SLC35F1: variants seen among roughly 807,000 people sequenced by gnomAD.
SLC35F1 encodes the protein chromosome 6 open reading frame 169.
In SLC35F1, 14 loss-of-function variants were observed where a neutral mutation model predicts 48.7. That is an observed-to-expected ratio of 0.29 (90% CI 0.19 to 0.45). The LOEUF (loss-of-function observed/expected upper bound fraction) is 0.45, where lower values mean the gene tolerates loss of function less well. SLC35F1 is among the 20% of genes least tolerant of loss of function. The pLI, the probability that SLC35F1 is intolerant of heterozygous loss-of-function variation, is 1.00. For synonymous variants in SLC35F1, 190 were observed against 202.2 expected (o/e 0.94, Z 0.51); for missense variants, 404 against 500.0 (o/e 0.81, Z 1.83).
At chr6:118,281,645 T>C (rs1475610508) in intron 6 of SLC35F1, among the ~76,000 whole-genome samples, 1 of 152,210 alleles carries the variant, frequency 6.6e-6, no homozygotes, top group Non-Finnish European at 1.5e-5. Flanking sequence ...CCCTAACTTC[T>C]GATCTCAGGT....
At chr6:118,150,727 T>C (rs1490629957) in intron 1 of SLC35F1, among the ~76,000 whole-genome samples, 1 of 152,222 alleles carries the variant, frequency 6.6e-6, no homozygotes, top group Non-Finnish European at 1.5e-5. Flanking sequence ...TAATCAAGAA[T>C]GACCCAGTGA....
At chr6:118,241,578 CGT>C (rs10570595) in intron 3 of SLC35F1, among the ~76,000 whole-genome samples, 129,580 of 147,314 alleles carry the variant, frequency 0.88, 57,047 homozygotes, top group East Asian at 0.93. Context: ...TTTTTACCTT[CGT>C]GTGTGTGTGT....
chr6:118,261,510 A>G (rs1387933305), intron 3 of SLC35F1, among the ~76,000 whole-genome samples: 3 of 152,348 alleles, frequency 2.0e-5, no homozygotes, highest in Middle Eastern at 3.4e-3. Flanking sequence ...GTGTCAGAGT[A>G]ACAGAATGCA....
chr6:118,110,484 T>C (rs1582670994), intron 1 of SLC35F1, among the ~76,000 whole-genome samples: 2 of 152,150 alleles, frequency 1.3e-5, no homozygotes, highest in East Asian at 3.8e-4. Flanking sequence ...GGGAGTTTTA[T>C]TTCCAGGAGC....
At chr6:117,979,888 T>C (rs928712001) in intron 1 of SLC35F1, among the ~76,000 whole-genome samples, 28 of 152,218 alleles carry the variant, frequency 1.8e-4, no homozygotes, top group African/African-American at 6.8e-4. Flanking sequence ...TGGAGCACTT[T>C]GTACATCTCA....
intron 1 of SLC35F1, among the ~76,000 whole-genome samples, chr6:118,026,487 T>G (rs1348397439): frequency 6.6e-6 from 1 of 152,254 alleles, no homozygotes; most frequent in Non-Finnish European, 1.5e-5. Context: ...TTAGGATGTG[T>G]TAATAAGAAT....
intron 2 of SLC35F1, among the ~76,000 whole-genome samples, chr6:118,196,915 C>G (rs1480356366): frequency 1.3e-5 from 2 of 151,736 alleles, no homozygotes; most frequent in Non-Finnish European, 2.9e-5. Context: ...ATGTGAACAG[C>G]CAATTTTCCC....
At chr6:118,236,320 C>T (rs541919738) in intron 3 of SLC35F1, among the ~76,000 whole-genome samples, 4 of 152,166 alleles carry the variant, frequency 2.6e-5, no homozygotes, top group Non-Finnish European at 4.4e-5. Flanking sequence ...CCTCATTACA[C>T]TGTAAATGAT....
At chr6:118,205,797 T>G (rs2114541695) in intron 2 of SLC35F1, among the ~76,000 whole-genome samples, 1 of 152,364 alleles carries the variant, frequency 6.6e-6, no homozygotes, top group Middle Eastern at 3.4e-3. Flanking sequence ...GGAATATTAT[T>G]CAGCCACAAA....
chr6:118,001,622 C>T (rs1777096382), intron 1 of SLC35F1, among the ~76,000 whole-genome samples: 1 of 151,882 alleles, frequency 6.6e-6, no homozygotes, highest in South Asian at 2.1e-4. Context: ...AACTAAAGAG[C>T]TTCTGCACAG....
At chr6:117,976,564 A>G (rs908595129) in intron 1 of SLC35F1, among the ~76,000 whole-genome samples, 2 of 152,214 alleles carry the variant, frequency 1.3e-5, no homozygotes, top group African/African-American at 4.8e-5. Flanking sequence ...ATCATTAAAT[A>G]TGTAAATATA....
chr6:117,966,131 G>GGCCCCCCCCCC (rs1184701438), intron 1 of SLC35F1, among the ~76,000 whole-genome samples: 1 of 101,102 alleles, frequency 9.9e-6, no homozygotes, highest in Non-Finnish European at 2.0e-5. Flanking sequence ...GCAGGCCACC[G>GGCCCCCCCCCC]CCCCCCCCCC....
intron 3 of SLC35F1, among the ~76,000 whole-genome samples, chr6:118,240,868 G>A (rs943637783): frequency 6.6e-6 from 1 of 152,154 alleles, no homozygotes; most frequent in African/African-American, 2.4e-5. Context: ...AGAGAAGAGT[G>A]GCACAAGATG....
intron 2 of SLC35F1, among the ~76,000 whole-genome samples, chr6:118,210,087 A>G: frequency 6.6e-6 from 1 of 152,206 alleles, no homozygotes; most frequent in East Asian, 1.9e-4. Context: ...GCAAAAGAAC[A>G]AAAGGAACCC....
intron 1 of SLC35F1, among the ~76,000 whole-genome samples, chr6:117,977,077 A>G (rs989376786): frequency 2.0e-5 from 3 of 152,208 alleles, no homozygotes; most frequent in African/African-American, 7.2e-5. Context: ...ACTATTATAA[A>G]TAAGTGTGAT....
chr6:118,130,828 G>A (rs1773699277), intron 1 of SLC35F1, among the ~76,000 whole-genome samples: 2 of 152,014 alleles, frequency 1.3e-5, no homozygotes. Flanking sequence ...GTGCTCAGAG[G>A]CCATAAATCA....
chr6:118,273,203 A>C (rs1775879623), intron 4 of SLC35F1, among the ~76,000 whole-genome samples: 1 of 152,178 alleles, frequency 6.6e-6, no homozygotes, highest in East Asian at 1.9e-4. Context: ...TATTTCCTAC[A>C]GTCAAAGGCT....
chr6:118,202,209 A>T (rs1187218111), intron 2 of SLC35F1, among the ~76,000 whole-genome samples: 2 of 152,214 alleles, frequency 1.3e-5, no homozygotes, highest in Admixed American at 1.3e-4. Context: ...AAGTGGCTGC[A>T]CCGGAGCAGG....
intron 1 of SLC35F1, among the ~76,000 whole-genome samples, chr6:118,017,747 A>G (rs1352601660): frequency 6.6e-6 from 1 of 152,234 alleles, no homozygotes; most frequent in Non-Finnish European, 1.5e-5. Flanking sequence ...TTCTAAGATC[A>G]TTATAATAAG....
Sources: gnomAD v4.1 joint callset for allele counts (sites outside exome capture counted in the v4.1 genomes callset) on GRCh38, gnomAD v4.1.1 for gene constraint, MANE v1.5 for transcripts, NCBI Gene and HGNC (gene_info 2026-07-23, HGNC 2026-07-21) for gene names.